CFAP47: variants seen among roughly 807,000 people sequenced by gnomAD.
CFAP47 encodes the protein cilia- and flagella-associated protein 47.
Under a neutral mutation model 148.1 loss-of-function variants are expected in CFAP47, and 29 were observed. The ratio of observed to expected loss-of-function variants is 0.20; its 90% confidence interval spans 0.15 to 0.27. The LOEUF (loss-of-function observed/expected upper bound fraction) is 0.27, where lower values mean the gene tolerates loss of function less well. Among genes scored for constraint, CFAP47 ranks in the 10% least tolerant of loss-of-function variants. The pLI, the probability that CFAP47 is intolerant of heterozygous loss-of-function variation, is 1.00. For missense variants in CFAP47, 1,872 were observed against 1,697.5 expected (o/e 1.10, Z -1.81); for synonymous variants, 664 against 577.3 (o/e 1.15, Z -2.15).
chrX:35,941,136 A>G (rs1271838132), intron 2 of CFAP47, 147 bp from the exon 3 acceptor site: 5 of 359,499 alleles, frequency 1.4e-5, no homozygotes, highest in Non-Finnish European at 2.4e-5. Context: ...AATTCCTTTT[A>G]TTGACAAACA....
At chrX:36,288,376 T>C (rs1359019729) in intron 51 of CFAP47, among the ~76,000 whole-genome samples, 2 of 112,171 alleles carry the variant, frequency 1.8e-5, no homozygotes, top group Non-Finnish European at 3.8e-5. Flanking sequence ...GTATGTCATA[T>C]AGTTTGGCTA....
At chrX:36,160,977 A>C (rs2146849986) in intron 39 of CFAP47, among the ~76,000 whole-genome samples, 1 of 107,804 alleles carries the variant, frequency 9.3e-6, no homozygotes, top group African/African-American at 3.4e-5. Context: ...CCTCCCAAGT[A>C]GCTGGGACTA....
intron 15 of CFAP47, among the ~76,000 whole-genome samples, chrX:35,987,590 C>T (rs926293826): frequency 9.0e-6 from 1 of 111,310 alleles, no homozygotes; most frequent in Non-Finnish European, 1.9e-5. Context: ...GGCTCCCTGG[C>T]GTCAGCCCCT....
chrX:36,309,835 G>T, intron 55 of CFAP47, among the ~76,000 whole-genome samples: 1 of 111,083 alleles, frequency 9.0e-6, no homozygotes, highest in East Asian at 2.8e-4. Context: ...ATCAAGTTAG[G>T]ACGTTATTAT....
intron 45 of CFAP47, among the ~76,000 whole-genome samples, chrX:36,211,896 C>A (rs1202691923): frequency 9.0e-6 from 1 of 111,395 alleles, no homozygotes; most frequent in Non-Finnish European, 1.9e-5. Flanking sequence ...TAACACACTA[C>A]TGAATGTGTC....
At chrX:36,208,614 C>T (rs1443484373) in intron 45 of CFAP47, among the ~76,000 whole-genome samples, 2 of 111,897 alleles carry the variant, frequency 1.8e-5, no homozygotes, top group East Asian at 5.6e-4. Flanking sequence ...CTAAATTACT[C>T]TTCAGCCTCA....
intron 63 of CFAP47, among the ~76,000 whole-genome samples, chrX:36,381,205 C>T (rs1602139724): frequency 9.0e-6 from 1 of 111,545 alleles, no homozygotes; most frequent in African/African-American, 3.3e-5. Flanking sequence ...AATTCTGCTT[C>T]ACCTATATGC....
In CFAP47 at chrX:36,104,520, G is replaced by A. The variant is rs774849949; in HGVS notation, c.5149G>A (p.Val1717Met). The A allele has an allele frequency of 5.5e-5, 52 of 949,398 alleles. No homozygotes were observed. The highest frequency in any genetic ancestry group is 7.2e-5 in the Non-Finnish European group (50 of 698,746). 78.2% of individuals were successfully genotyped at this position (949,398 alleles called of 1,213,427 possible). A position where few individuals can be genotyped will look rare whatever the true frequency, so the allele number is the denominator to read the frequency against. ...TCAGGTTTTGGTTCTATCCCGTGTA[G>A]TGCCATACTGCAGCAATAATATGCC... is the stretch of plus-strand genomic sequence containing the variant. Reference protein sequence around the residue: ...IYKVLVLSRVVPYCSNNMPPI... With the variant: ...IYKVLVLSRVMPYCSNNMPPI... Residue 1717 changes from valine to methionine, a missense_variant, in exon 33 of 64, where the codon GTG becomes ATG. Coordinates refer to ENST00000378653, the MANE Select transcript of CFAP47 (RefSeq NM_001304548.2).
chrX:36,310,929 A>C lies in CFAP47; in HGVS notation c.8284A>C (p.Ile2762Leu), dbSNP rs1941388957. ...ITTRIGLQST[I>L]VIPFKNPTME... Reference sequence around the variant, plus strand: ...CACACGCATTGGTCTTCAGTCAACTATTGTTATACCTTTCAAAAATCCCAC... The same window carrying C: ...CACACGCATTGGTCTTCAGTCAACTCTTGTTATACCTTTCAAAAATCCCAC... Residue 2762 changes from isoleucine (I) to leucine (L), a missense_variant, in exon 56 of 64, where the codon ATT becomes CTT. Coordinates refer to ENST00000378653, the MANE Select transcript of CFAP47 (RefSeq NM_001304548.2). The C allele has an allele frequency of 2.6e-6, 3 of 1,144,965 alleles. No homozygotes were observed. The highest frequency in any genetic ancestry group is 3.5e-6 in the Non-Finnish European group (3 of 855,869). 94.4% of individuals were successfully genotyped at this position (1,144,965 alleles called of 1,213,427 possible).
intron 45 of CFAP47, among the ~76,000 whole-genome samples, chrX:36,226,384 T>A (rs1940269824): frequency 8.9e-6 from 1 of 111,915 alleles, no homozygotes; most frequent in Non-Finnish European, 1.9e-5. Flanking sequence ...AAGATCAAAA[T>A]GGTTTCTACC....
chrX:35,957,148 G>A (rs1936258144), intron 8 of CFAP47, among the ~76,000 whole-genome samples: 1 of 102,249 alleles, frequency 9.8e-6, no homozygotes, highest in African/African-American at 3.7e-5. Context: ...GGCAGAGGTT[G>A]CAGTGAGCCG....
At chrX:36,012,156 T>A (rs1937046028) in intron 21 of CFAP47, among the ~76,000 whole-genome samples, 1 of 111,098 alleles carries the variant, frequency 9.0e-6, no homozygotes, top group African/African-American at 3.3e-5. Context: ...TATTAAAAAG[T>A]CAGGAAACAA....
intron 39 of CFAP47, among the ~76,000 whole-genome samples, chrX:36,161,708 C>A (rs1602019787): frequency 1.8e-5 from 2 of 111,824 alleles, no homozygotes; most frequent in Non-Finnish European, 3.8e-5. Context: ...TATATTGAAA[C>A]TGGAAGTTAT....
At chrX:36,182,342 C>T (rs1457427339) in intron 40 of CFAP47, among the ~76,000 whole-genome samples, 1 of 111,302 alleles carries the variant, frequency 9.0e-6, no homozygotes, top group African/African-American at 3.3e-5. Context: ...AGGGTTTTGT[C>T]GGTGAGGAGA....
Position 36,098,819 on chromosome X carries a change from T to A in CFAP47, c.4943T>A (p.Val1648Asp). 1 of 1,189,709 alleles carries A rather than the reference T, an allele frequency of 8.4e-7. No individual in the cohort carries two copies. Among genetic ancestry groups the A allele is most frequent in the Non-Finnish European group, 1.1e-6 (1 of 879,138 alleles). ...GCTCAAGGAGGATGTATTTCACATGTCCTGCCAGAATTTTTGCTTGAACCA... is the reference window on the plus strand; with the variant it reads ...GCTCAAGGAGGATGTATTTCACATGACCTGCCAGAATTTTTGCTTGAACCA... Reference protein sequence around the residue: ...LNAQGGCISHVLPEFLLEPED... With the variant: ...LNAQGGCISHDLPEFLLEPED... Residue 1648 changes from valine (V) to aspartate (D), a missense_variant, in exon 31 of 64, where the codon GTC (valine) becomes GAC (aspartate). Physicochemically the swap from Val to Asp is radical, Grantham distance 152. Transcript: ENST00000378653.
intron 49 of CFAP47, among the ~76,000 whole-genome samples, chrX:36,272,410 A>G (rs1940969675): frequency 9.0e-6 from 1 of 111,433 alleles, no homozygotes; most frequent in Non-Finnish European, 1.9e-5. Flanking sequence ...TATTTTGAGT[A>G]AGTTATCCAG....
intron 57 of CFAP47, among the ~76,000 whole-genome samples, chrX:36,347,362 C>T (rs1303071531): frequency 5.4e-5 from 6 of 111,799 alleles, no homozygotes; most frequent in Admixed American, 4.8e-4. Context: ...CCTTTGTGGA[C>T]GACAGTGTGA....
At chrX:36,367,660 A>G (rs1409934038) in intron 62 of CFAP47, among the ~76,000 whole-genome samples, 8 of 111,678 alleles carry the variant, frequency 7.2e-5, no homozygotes, top group Non-Finnish European at 1.5e-4. Flanking sequence ...ACATTTTAAT[A>G]GTTTTTAATT....
chrX:36,090,414 A>C (rs1938163396), intron 30 of CFAP47, among the ~76,000 whole-genome samples: 1 of 111,853 alleles, frequency 8.9e-6, no homozygotes, highest in Non-Finnish European at 1.9e-5. Flanking sequence ...GCATCATTAA[A>C]CCTATGGAAC....
Sources: allele counts gnomAD v4.1 joint callset (sites outside exome capture counted in the v4.1 genomes callset), GRCh38; gene constraint gnomAD v4.1.1; transcripts MANE v1.5; gene names NCBI Gene and HGNC (gene_info 2026-07-23, HGNC 2026-07-21).